ATL1: variants seen among roughly 807,000 people sequenced by gnomAD.
The protein encoded by ATL1 is atlastin-1.
A neutral mutation model predicts 75.5 loss-of-function variants in ATL1; 31 were observed. The observed-to-expected ratio is 0.41, with a 90% CI of 0.31 to 0.55. ATL1 has a LOEUF of 0.55. ATL1 is among the 20% of genes least tolerant of loss of function. The pLI is 0.27. For synonymous variants in ATL1, 226 were observed against 233.3 expected (o/e 0.97, Z 0.28); for missense variants, 405 against 662.6 (o/e 0.61, Z 4.27).
intron 6 of ATL1, among the ~76,000 whole-genome samples, chr14:50,608,121 GTGTT>G (rs972167757): frequency 3.9e-5 from 6 of 152,196 alleles, no homozygotes; most frequent in African/African-American, 1.2e-4. Flanking sequence ...ATTTAAAAAA[GTGTT>G]TGTGGCTTCA....
Position 50,560,192 on chromosome 14 carries a change from C to T in ATL1, c.-74C>T. 1 of 1,588,568 alleles carries T rather than the reference C, an allele frequency of 6.3e-7. No homozygotes were observed. The highest frequency in any genetic ancestry group is 8.6e-7 in the Non-Finnish European group (1 of 1,163,752). On this transcript the variant is annotated 5_prime_UTR_variant, in exon 1 of 14. Transcript: ENST00000358385. ...AGCGCGGGCACGGAGCCTCCCACCGCCAGCAACCTGCGGCCCCGGAGAAGG... is the reference window on the plus strand; with the variant it reads ...AGCGCGGGCACGGAGCCTCCCACCGTCAGCAACCTGCGGCCCCGGAGAAGG...
At chr14:50,560,383 A>G in intron 1 of ATL1, 84 bp downstream of exon 1, 1 of 1,536,832 alleles carries the variant, frequency 6.5e-7, no homozygotes, top group Non-Finnish European at 8.9e-7. Flanking sequence ...AGGGAGGGCC[A>G]AGGGCTGCTA....
chr14:50,582,360 T>C (rs573157102), intron 1 of ATL1, among the ~76,000 whole-genome samples: 4 of 151,782 alleles, frequency 2.6e-5, no homozygotes, highest in Admixed American at 2.6e-4. Context: ...GTGAGTTCTA[T>C]CAAAATTTCA....
intron 1 of ATL1, among the ~76,000 whole-genome samples, chr14:50,550,131 A>G (rs894344158): frequency 5.3e-5 from 8 of 152,186 alleles, no homozygotes; most frequent in Non-Finnish European, 8.8e-5. Flanking sequence ...GCCTTATGAT[A>G]TCAACATCAG....
intron 1 of ATL1, among the ~76,000 whole-genome samples, chr14:50,565,609 A>G (rs2038896506): frequency 6.6e-6 from 1 of 152,026 alleles, no homozygotes; most frequent in African/African-American, 2.4e-5. Context: ...TTTCAAATGT[A>G]CTTTTCCTAT....
At position 50,612,048 on chromosome 14, in the gene ATL1, A is replaced by T. The variant is rs534337447; in HGVS notation, c.631-1211A>T. ...AGAATGAATTAATCATTATTCACAT[A>T]ATGGGAAATTGCGCAGTAATGACTA... On this transcript the variant is annotated intron_variant, in intron 6 of 13. Coordinates refer to ENST00000358385, the MANE Select transcript of ATL1 (RefSeq NM_015915.5). Among the ~76,000 whole-genome samples the T allele has an allele frequency of 2.0e-5, 3 of 152,308 alleles. No homozygotes were observed. In the South Asian group the frequency reaches 6.2e-4, roughly 32 times the overall value.
chr14:50,575,194 A>G (rs1382078282), intron 1 of ATL1, among the ~76,000 whole-genome samples: 1 of 151,526 alleles, frequency 6.6e-6, no homozygotes, highest in Non-Finnish European at 1.5e-5. Context: ...TGCCCTCATC[A>G]TCATGTCATT....
At chr14:50,551,235 G>T (rs2038698269) in intron 1 of ATL1, among the ~76,000 whole-genome samples, 1 of 152,046 alleles carries the variant, frequency 6.6e-6, no homozygotes, top group African/African-American at 2.4e-5. Context: ...ATCATTCAAG[G>T]CTACTATGAA....
intron 6 of ATL1, among the ~76,000 whole-genome samples, chr14:50,607,080 A>T (rs1340767218): frequency 1.3e-5 from 2 of 152,090 alleles, no homozygotes; most frequent in East Asian, 3.8e-4. Flanking sequence ...GAAGCAAATC[A>T]GAACTCAGAG....
At chr14:50,561,393 T>C (rs926514957) in intron 1 of ATL1, among the ~76,000 whole-genome samples, 4 of 152,248 alleles carry the variant, frequency 2.6e-5, no homozygotes, top group Non-Finnish European at 5.9e-5. Context: ...TAAATAAATA[T>C]TTTGTTCATC....
At chr14:50,580,862 T>C (rs1463742717) in intron 1 of ATL1, among the ~76,000 whole-genome samples, 3 of 152,010 alleles carry the variant, frequency 2.0e-5, no homozygotes, top group Admixed American at 6.5e-5. Context: ...TTTTAAATTA[T>C]GAATTTAATT....
chr14:50,622,004 A>G (rs2039471571), intron 10 of ATL1, 105 bp downstream of exon 10: 1 of 822,678 alleles, frequency 1.2e-6, no homozygotes, highest in African/African-American at 1.7e-5. Flanking sequence ...AATTTATTGG[A>G]AGATTATTTG....
intron 1 of ATL1, chr14:50,572,269 A>G (rs1004484051): frequency 2.5e-5 from 5 of 200,868 alleles, no homozygotes; most frequent in Non-Finnish European, 5.0e-5. Flanking sequence ...CCTTTTTAAA[A>G]AAAATTCTCT....
intron 1 of ATL1, among the ~76,000 whole-genome samples, chr14:50,544,003 A>G (rs900178172): frequency 6.6e-6 from 1 of 152,214 alleles, no homozygotes; most frequent in African/African-American, 2.4e-5. Context: ...GGGTCATTGT[A>G]CTGGTTGGGG....
chr14:50,560,500 G>A, intron 1 of ATL1: 1 of 671,060 alleles, frequency 1.5e-6, no homozygotes, highest in Non-Finnish European at 2.6e-6. Context: ...GCGCTGTCGG[G>A]GTGAGGGCTG....
chr14:50,604,695 G>GC (rs1368010418), intron 6 of ATL1, among the ~76,000 whole-genome samples: 1 of 152,048 alleles, frequency 6.6e-6, no homozygotes, highest in Non-Finnish European at 1.5e-5. Context: ...ACTGGGCATG[G>GC]CCCCTTCTTG....
At chr14:50,576,477 AT>A (rs1399965651) in intron 1 of ATL1, among the ~76,000 whole-genome samples, 3 of 152,122 alleles carry the variant, frequency 2.0e-5, no homozygotes, top group Non-Finnish European at 4.4e-5. Flanking sequence ...TTTGCACAGT[AT>A]TCTGGGAATT....
rs148096064 is a variant in ATL1 at position 50,585,658 on chromosome 14, A to G, written c.35-2173A>G. 2.0e-4 allele frequency among the ~76,000 whole-genome samples: 31 copies of G among 152,322 alleles called. No homozygotes were observed. In the East Asian group the frequency reaches 5.8e-3, roughly 28 times the overall value. ...GGAAATTACTTTGTTAAGTCTTCACAAAGGCTTTCTGATATGGGTACCATT... is the reference window on the plus strand; with the variant it reads ...GGAAATTACTTTGTTAAGTCTTCACGAAGGCTTTCTGATATGGGTACCATT... On this transcript the variant is annotated intron_variant, in intron 1 of 13. Coordinates refer to ENST00000358385, the MANE Select transcript of ATL1 (RefSeq NM_015915.5).
chr14:50,542,211 C>T (rs1010299245), intron 1 of ATL1, among the ~76,000 whole-genome samples: 1 of 136,400 alleles, frequency 7.3e-6, no homozygotes, highest in Non-Finnish European at 1.5e-5. Context: ...TGTTCTCACT[C>T]ATAAGTGAGA....
Sources: gnomAD v4.1 joint callset for allele counts (sites outside exome capture counted in the v4.1 genomes callset) on GRCh38, gnomAD v4.1.1 for gene constraint, MANE v1.5 for transcripts, NCBI Gene and HGNC (gene_info 2026-07-23, HGNC 2026-07-21) for gene names.